NOC3L: variants seen among roughly 807,000 people sequenced by gnomAD.
The protein encoded by NOC3L is nucleolar complex protein 3 homolog.
NOC3L carries 85 observed loss-of-function variants against 102.5 expected under a neutral mutation model. The ratio of observed to expected loss-of-function variants is 0.83; its 90% CI spans 0.70 to 0.99. The LOEUF (loss-of-function observed/expected upper bound fraction) is 0.99. NOC3L is among the 50% of genes least tolerant of loss of function. NOC3L has a pLI of 0.00. For synonymous variants in NOC3L, 303 were observed against 309.4 expected (o/e 0.98, Z 0.22); for missense variants, 878 against 914.9 (o/e 0.96, Z 0.52).
chr10:94,316,771 G>A, the NOC3L span: 248 of 1,575,708 alleles, frequency 1.6e-4, no homozygotes, highest in Non-Finnish European at 2.0e-4. Context: ...GTGTGTCTGG[G>A]TGCAGCCTAC....
rs750658665 is a variant in NOC3L at position 94,340,306 on chromosome 10, GAT to G, written c.1748_1749del (p.His583ProfsTer15). 1.2e-6 allele frequency: 2 copies of G among 1,612,628 alleles called. No homozygotes were observed. Among genetic ancestry groups the G allele is most frequent in the Non-Finnish European group, 1.7e-6 (2 of 1,179,340 alleles). ...LNIDPLKFYT[H>X]LYKTLFKLHA... ...TGTAATTTGAACAGTGTTTTGTAGA[GAT>G]GTGTGTAGAATTTCAATGGATCAAT... On this transcript the variant is annotated frameshift_variant, in exon 16 of 21. Coordinates refer to ENST00000371361, the MANE Select transcript of NOC3L (RefSeq NM_022451.11). LOFTEE classifies it high-confidence loss of function.
intron 8 of NOC3L, among the ~76,000 whole-genome samples, chr10:94,350,987 T>TAA (rs2054409209): frequency 6.6e-6 from 1 of 152,070 alleles, no homozygotes; most frequent in Non-Finnish European, 1.5e-5. Context: ...AATCTGAATA[T>TAA]ATATAATATA....
chr10:94,315,769 CAAAA>C, the NOC3L span, among the ~76,000 whole-genome samples: 26 of 122,856 alleles, frequency 2.1e-4, no homozygotes, highest in African/African-American at 6.6e-4. Flanking sequence ...GACTCTGTCT[CAAAA>C]AAAAAAAAAA....
At chr10:94,322,911 C>G in the NOC3L span, among the ~76,000 whole-genome samples, 1 of 152,104 alleles carries the variant, frequency 6.6e-6, no homozygotes, top group African/African-American at 2.4e-5. Context: ...GAGCCAAAAT[C>G]GTGCCACTTT....
chr10:94,325,238 T>G, the NOC3L span: 5 of 687,542 alleles, frequency 7.3e-6, no homozygotes, highest in Non-Finnish European at 1.3e-5. Flanking sequence ...GAATGGGACC[T>G]TAAAACAGGA....
intron 14 of NOC3L, 66 bp downstream of exon 14, chr10:94,341,607 C>G: frequency 1.2e-6 from 1 of 817,698 alleles, no homozygotes; most frequent in Non-Finnish European, 1.8e-6. Flanking sequence ...TCTCAATAAA[C>G]CTGAAAAATT....
At chr10:94,331,571 A>G (rs185236809), downstream of NOC3L, 4 of 152,366 alleles carry the variant, frequency 2.6e-5, no homozygotes, top group East Asian at 1.9e-4. Context: ...AAGTGCTCTC[A>G]TGGTGAAAGT....
the NOC3L span, among the ~76,000 whole-genome samples, chr10:94,323,135 A>ACC: frequency 6.6e-6 from 1 of 152,172 alleles, no homozygotes; most frequent in East Asian, 1.9e-4. Flanking sequence ...GTAGGTACTG[A>ACC]CCATCTCTCA....
Position 94,339,743 on chromosome 10 carries a change from A to G in NOC3L, c.1958T>C (p.Met653Thr). 6.2e-7 allele frequency: 1 copy of G among 1,613,122 alleles called. No homozygotes were observed. Among genetic ancestry groups the G allele is most frequent in the Middle Eastern group, 1.7e-4 (1 of 6,058 alleles). ...TTCATTTGTATCACTACTTACATGC[A>G]TTAATATTCTGGTAGTTGCTAAAAT... ...IGILATTRIL[M>T]HTFPKTDLLL... Residue 653 changes from methionine to threonine, a missense_variant, in exon 17 of 21, where the codon ATG becomes ACG. Met to Thr is a moderately conservative substitution (Grantham distance 81). Transcript: ENST00000371361.
chr10:94,316,590 A>AT, the NOC3L span: 1 of 1,609,644 alleles, frequency 6.2e-7, no homozygotes, highest in Non-Finnish European at 8.5e-7. Context: ...ACCACAGACT[A>AT]TTTTTTGATG....
In NOC3L at chr10:94,334,004, T is replaced by A. The variant is rs1175829163; in HGVS notation, c.*173A>T. ...TGATCTCCTTGATGGAATGACATATTCAGAATAGGGGCAGAACCCTGTGCC... is the reference window on the plus strand; with the variant it reads ...TGATCTCCTTGATGGAATGACATATACAGAATAGGGGCAGAACCCTGTGCC... On this transcript the variant is annotated 3_prime_UTR_variant, in exon 21 of 21. Transcript: ENST00000371361. The A allele has an allele frequency of 1.7e-5, 7 of 411,626 alleles. No individual in the cohort carries two copies. Among genetic ancestry groups the A allele is most frequent in the Non-Finnish European group, 3.0e-5 (7 of 233,176 alleles). The allele number at this position is 411,626 out of a possible 1,614,324, so 25.5% of individuals were successfully genotyped here.
chr10:94,337,915 T>A lies in NOC3L; in HGVS notation c.2092-41A>T, dbSNP rs762973237. 27 of 1,446,646 alleles carry A rather than the reference T, an allele frequency of 1.9e-5. No individual in the cohort carries two copies. In the African/African-American group the frequency reaches 3.1e-4, roughly 17 times the overall value. 89.6% of individuals were successfully genotyped at this position (1,446,646 alleles called of 1,614,324 possible). ...GACAATCACATTCTGCACAGGTCAG[T>A]CCTTTACAAAAAACACTAGCCACAG... On this transcript the variant is annotated intron_variant, in intron 18 of 20. Coordinates refer to ENST00000371361, the MANE Select transcript of NOC3L (RefSeq NM_022451.11).
Position 94,348,176 on chromosome 10 carries a change from T to C in NOC3L, c.1257+1074A>G, listed in dbSNP as rs368922414. ...CTATATAAAATATATATTCATTACA[T>C]ATATTAAACACAGATATTAAATCTG... On this transcript the variant is annotated intron_variant, in intron 10 of 20. Transcript: ENST00000371361. Among the ~76,000 whole-genome samples the C allele has an allele frequency of 1.3e-4, 20 of 149,926 alleles. No homozygotes were observed. In the East Asian group the frequency reaches 3.5e-3, roughly 26 times the overall value.
chr10:94,329,079 A>C (rs1319731581), downstream of NOC3L: 2 of 152,190 alleles, frequency 1.3e-5, no homozygotes, highest in Non-Finnish European at 1.5e-5. Flanking sequence ...TCAGTACTTG[A>C]AGACAAACTT....
intron 2 of NOC3L, chr10:94,361,412 G>A: frequency 2.1e-6 from 1 of 473,244 alleles, no homozygotes; most frequent in Middle Eastern, 5.5e-4. Flanking sequence ...TTCCCAAGTA[G>A]TGCATCTTCA....
chr10:94,342,729 C>CA (rs748792344), intron 13 of NOC3L, among the ~76,000 whole-genome samples: 3,810 of 81,030 alleles, frequency 0.047, 127 homozygotes, highest in African/African-American at 0.1. Flanking sequence ...TTTACAAAAC[C>CA]AAAAAAAAAA....
At chr10:94,324,459 A>C in the NOC3L span, 2 of 1,614,088 alleles carry the variant, frequency 1.2e-6, no homozygotes, top group South Asian at 1.1e-5. Context: ...AGACTACCAC[A>C]CCAAAGTCCT....
chr10:94,339,998 C>G (rs1294427629), intron 16 of NOC3L, 78 bp from the exon 17 acceptor site: 26 of 1,273,818 alleles, frequency 2.0e-5, no homozygotes, highest in Non-Finnish European at 2.2e-6. Context: ...TCAGATAAAC[C>G]CAAGATAAAC....
chr10:94,349,945 A>G (rs2054394966), intron 9 of NOC3L, among the ~76,000 whole-genome samples, 168 bp downstream of exon 9: 1 of 151,978 alleles, frequency 6.6e-6, no homozygotes, highest in South Asian at 2.1e-4. Flanking sequence ...TTTTTAGTAG[A>G]GATGGGGTTT....
Sources: allele counts gnomAD v4.1 joint callset (sites outside exome capture counted in the v4.1 genomes callset), GRCh38; gene constraint gnomAD v4.1.1; transcripts MANE v1.5; gene names NCBI Gene and HGNC (gene_info 2026-07-23, HGNC 2026-07-21).